Variants in LRRFIP2 observed in about 807,000 individuals in gnomAD.
The protein encoded by LRRFIP2 is leucine-rich repeat flightless-interacting protein 2.
Under a neutral mutation model 125.9 loss-of-function variants are expected in LRRFIP2, and 109 were observed. That is an observed-to-expected ratio of 0.87 (90% confidence interval 0.74 to 1.01). The LOEUF (loss-of-function observed/expected upper bound fraction) is 1.01. Ranked by LOEUF, LRRFIP2 falls within the 50% of genes least tolerant of loss-of-function variation. LRRFIP2 has a pLI of 0.00. For synonymous variants in LRRFIP2, 291 were observed against 293.1 expected (o/e 0.99, Z 0.07); for missense variants, 850 against 862.3 (o/e 0.99, Z 0.18).
rs1301949098 is a variant in LRRFIP2 at position 37,072,797 on chromosome 3, T to G, written c.1457A>C (p.Lys486Thr). 1.2e-6 allele frequency: 2 copies of G among 1,610,534 alleles called. No homozygotes were observed. The highest frequency in any genetic ancestry group is 3.3e-5 in the Admixed American group (2 of 59,886). The change falls in exon 21 of 28, where the codon AAA (lysine) becomes ACA (threonine). Residue 486 changes from lysine to threonine, a missense_variant. Coordinates refer to ENST00000336686, the MANE Select transcript of LRRFIP2 (RefSeq NM_006309.4). ...CCCAATTTCATTTCATACCCCAATT[T>G]TTTTATCTTTCCAAAGAAGTGTCTC... ...LQETLLWKDK[K>T]IGALEKQKEY... is the part of the protein sequence containing the mutation.
At chr3:37,164,405 CATT>C (rs2096423582) in intron 1 of LRRFIP2, among the ~76,000 whole-genome samples, 1 of 152,140 alleles carries the variant, frequency 6.6e-6, no homozygotes, top group Non-Finnish European at 1.5e-5. Flanking sequence ...ATTTTAATAA[CATT>C]ATTTTTTAAA....
At chr3:37,097,938 A>G (rs1292717539) in intron 15 of LRRFIP2, among the ~76,000 whole-genome samples, 1 of 152,212 alleles carries the variant, frequency 6.6e-6, no homozygotes, top group Non-Finnish European at 1.5e-5. Flanking sequence ...TCCAACTCCT[A>G]CACAAACCTT....
Position 37,147,249 on chromosome 3 carries a change from A to G in LRRFIP2, c.90+1645T>C, listed in dbSNP as rs967881364. Reference sequence around the variant, plus strand: ...TGTGGAGAAACAGGAGCACTTCTACACTGTTGGTGAGAATGTTAGTTAGTT... The same window carrying G: ...TGTGGAGAAACAGGAGCACTTCTACGCTGTTGGTGAGAATGTTAGTTAGTT... On this transcript the variant is annotated intron_variant, in intron 2 of 27. Coordinates refer to ENST00000336686, the MANE Select transcript of LRRFIP2 (RefSeq NM_006309.4). Among the ~76,000 whole-genome samples, 16 of 152,216 alleles carry G rather than the reference A, an allele frequency of 1.1e-4. 1 individual carries two copies. The highest frequency in any genetic ancestry group is 1.0e-3 in the Admixed American group (16 of 15,282).
intron 15 of LRRFIP2, among the ~76,000 whole-genome samples, chr3:37,100,511 G>A (rs984042056): frequency 6.7e-6 from 1 of 148,498 alleles, no homozygotes; most frequent in African/African-American, 2.6e-5. Flanking sequence ...AAATAACAGG[G>A]GTTAGCCAGA....
chr3:37,171,366 A>C (rs1419310767), intron 1 of LRRFIP2, among the ~76,000 whole-genome samples: 1 of 152,152 alleles, frequency 6.6e-6, no homozygotes, highest in East Asian at 1.9e-4. Flanking sequence ...AAGGTCTCAA[A>C]ATAGACCCTG....
intron 25 of LRRFIP2, among the ~76,000 whole-genome samples, chr3:37,056,385 T>C (rs2086856386): frequency 6.6e-6 from 1 of 152,096 alleles, no homozygotes; most frequent in Non-Finnish European, 1.5e-5. Context: ...ATTATCTAAC[T>C]TAAGAACTTT....
chr3:37,162,175 A>G (rs1481753048), intron 1 of LRRFIP2, among the ~76,000 whole-genome samples: 5 of 150,036 alleles, frequency 3.3e-5, no homozygotes, highest in African/African-American at 9.9e-5. Context: ...AAAAAAAAAA[A>G]AAGAAGAGAG....
intron 2 of LRRFIP2, among the ~76,000 whole-genome samples, chr3:37,129,962 CA>C (rs935669441): frequency 3.3e-4 from 51 of 152,304 alleles, no homozygotes; most frequent in African/African-American, 1.1e-3. Context: ...CACTGCACTG[CA>C]GCCTAGATGA....
chr3:37,064,161 T>C (rs2089539673), intron 23 of LRRFIP2: 1 of 196,270 alleles, frequency 5.1e-6, no homozygotes, highest in South Asian at 1.1e-4. Flanking sequence ...GCGGGAGAGA[T>C]CCAAATATGT....
At chr3:37,066,488 A>T (rs958896282) in intron 21 of LRRFIP2, 163 bp from the exon 22 acceptor site, 6 of 624,098 alleles carry the variant, frequency 9.6e-6, no homozygotes, top group African/African-American at 7.3e-5. Context: ...GGAAATACAG[A>T]GTTACATGGA....
chr3:37,120,224 A>G (rs1379779506), intron 6 of LRRFIP2, among the ~76,000 whole-genome samples: 1 of 148,984 alleles, frequency 6.7e-6, no homozygotes, highest in East Asian at 2.0e-4. Flanking sequence ...CTCCTGTTTC[A>G]GCCTCCCAAG....
chr3:37,146,179 T>C (rs1442442661), intron 2 of LRRFIP2, among the ~76,000 whole-genome samples: 2 of 152,250 alleles, frequency 1.3e-5, no homozygotes, highest in Non-Finnish European at 2.9e-5. Context: ...GGAAACATTC[T>C]GGGTAGTTTC....
At chr3:37,132,048 T>C (rs2095440796) in intron 2 of LRRFIP2, among the ~76,000 whole-genome samples, 2 of 152,322 alleles carry the variant, frequency 1.3e-5, no homozygotes, top group South Asian at 2.1e-4. Context: ...AATTTTACAC[T>C]GGCCTCCGTC....
chr3:37,107,285 A>G (rs2094375076), intron 13 of LRRFIP2, among the ~76,000 whole-genome samples: 1 of 152,192 alleles, frequency 6.6e-6, no homozygotes, highest in Non-Finnish European at 1.5e-5. Flanking sequence ...AACTACCTCT[A>G]AGAGACATGA....
chr3:37,066,899 A>T (rs2090275371), intron 21 of LRRFIP2: 1 of 152,588 alleles, frequency 6.6e-6, no homozygotes, highest in Non-Finnish European at 1.5e-5. Flanking sequence ...CTCCAAAAGG[A>T]TTCAAAGATC....
rs549979031 is a variant in LRRFIP2, at chr3:37,091,514, T to G, written c.1060A>C (p.Ile354Leu). The stretch of plus-strand genomic sequence containing the variant: ...ATGTATCTCCCTTCTACATCCTGTA[T>G]CTGGTCCTTAAGGTCATAGATATCC... ...LRDIYDLKDQ[I>L]QDVEGRYMQG... Residue 354 changes from isoleucine to leucine, a missense_variant, in exon 18 of 28, where the codon ATA (isoleucine) becomes CTA (leucine). Transcript: ENST00000336686. 14 of 1,611,746 alleles carry G rather than the reference T, an allele frequency of 8.7e-6. No individual in the cohort carries two copies. The African/African-American group carries it at 1.7e-4, about 20-fold the overall frequency.
chr3:37,115,908 G>C (rs2094761288), intron 6 of LRRFIP2, among the ~76,000 whole-genome samples: 1 of 152,090 alleles, frequency 6.6e-6, no homozygotes, highest in Non-Finnish European at 1.5e-5. Context: ...ATATTTTTAA[G>C]CTGTCTACCC....
intron 4 of LRRFIP2, among the ~76,000 whole-genome samples, chr3:37,126,031 GTTTGT>G (rs1559962059): frequency 7.7e-6 from 1 of 129,772 alleles, no homozygotes; most frequent in Non-Finnish European, 1.8e-5. Context: ...TGTTGTTGTT[GTTTGT>G]TTGTTTGTTT....
At chr3:37,113,248 A>G (rs2094620458) in intron 7 of LRRFIP2, among the ~76,000 whole-genome samples, 1 of 152,178 alleles carries the variant, frequency 6.6e-6, no homozygotes, top group Non-Finnish European at 1.5e-5. Context: ...GATTAGAACT[A>G]AGAACCAGGC....
Sources: allele counts gnomAD v4.1 joint callset (sites outside exome capture counted in the v4.1 genomes callset), GRCh38; gene constraint gnomAD v4.1.1; transcripts MANE v1.5; gene names NCBI Gene and HGNC (gene_info 2026-07-23, HGNC 2026-07-21).